The following AMOTL2 variants were observed in gnomAD, a reference collection of about 807,000 sequenced individuals.
AMOTL2 encodes angiomotin like 2.
In AMOTL2, 33 loss-of-function variants were observed where a neutral mutation model predicts 78.4. The observed-to-expected ratio is 0.42, with a 90% CI of 0.32 to 0.56. AMOTL2 has a LOEUF of 0.56. Ranked by LOEUF, AMOTL2 falls within the 20% of genes least tolerant of loss-of-function variation. The pLI is 0.12. For synonymous variants in AMOTL2, 422 were observed against 428.8 expected, an observed-to-expected ratio of 0.98 and a Z score of 0.20; for missense variants, 983 against 1,030.1, an observed-to-expected ratio of 0.95 and a Z score of 0.63.
At chr3:134,358,449 G>A in intron 9 of AMOTL2, 91 bp downstream of exon 9, 3 of 1,452,660 alleles carry the variant, frequency 2.1e-6, no homozygotes, top group South Asian at 1.4e-5. Context: ...GACCCGGAGG[G>A]GGTCTGGGAA....
chr3:134,360,507 G>A (rs1179785614), intron 6 of AMOTL2, 94 bp from the exon 7 acceptor site: 2 of 1,095,104 alleles, frequency 1.8e-6, no homozygotes, highest in Non-Finnish European at 2.6e-6. Flanking sequence ...ACTTGTACAT[G>A]TACGTGTTCA....
chr3:134,367,345 G>T, intron 3 of AMOTL2, 152 bp downstream of exon 3: 2 of 897,448 alleles, frequency 2.2e-6, no homozygotes, highest in Non-Finnish European at 3.4e-6. Flanking sequence ...GAGGGTGCAT[G>T]AGGAGTGAGG....
chr3:134,373,587 C>G (rs2017964098), intron 1 of AMOTL2: 2 of 985,358 alleles, frequency 2.0e-6, no homozygotes, highest in Non-Finnish European at 2.4e-6. Context: ...CAGCCTTGGC[C>G]TGGGCTCCTG....
chr3:134,370,587 T>G, intron 2 of AMOTL2, 113 bp downstream of exon 2: 1 of 1,308,962 alleles, frequency 7.6e-7, no homozygotes, highest in Non-Finnish European at 1.0e-6. Context: ...AGGTTGGAGG[T>G]GGGGTGGATC....
In AMOTL2 at chr3:134,355,987, C is replaced by T. The variant is rs982982218; in HGVS notation, c.*1718G>A. ...GCCATGTTTACATTTTAAATATTTA[C>T]GATAACTTAAACATACAGACACACA... is the stretch of plus-strand genomic sequence containing the variant. On this transcript the variant is annotated 3_prime_UTR_variant, in exon 10 of 10. Coordinates refer to ENST00000249883, the MANE Select transcript of AMOTL2 (RefSeq NM_016201.4). 2.0e-5 allele frequency: 3 copies of T among 152,556 alleles called. No homozygotes were observed. Among genetic ancestry groups the T allele is most frequent in the South Asian group, 2.1e-4 (1 of 4,836 alleles). 9.5% of individuals were successfully genotyped at this position (152,556 alleles called of 1,614,324 possible).
intron 5 of AMOTL2, among the ~76,000 whole-genome samples, chr3:134,362,983 A>C (rs1197083152): frequency 1.3e-5 from 2 of 152,270 alleles, no homozygotes; most frequent in Non-Finnish European, 2.9e-5. Context: ...CCTCCAATGC[A>C]GTGGCTACTA....
intron 1 of AMOTL2, 35 bp downstream of exon 1, chr3:134,374,307 G>A: frequency 1.0e-6 from 1 of 985,428 alleles, no homozygotes; most frequent in Non-Finnish European, 1.2e-6. Context: ...CTGTGGCCTC[G>A]CGCGCTCTCC....
rs367972576 is a variant in AMOTL2, at chr3:134,361,684, C to T, written c.1403G>A (p.Arg468Gln). 1.5e-4 allele frequency: 245 copies of T among 1,611,078 alleles called. No individual in the cohort carries two copies. The highest frequency in any genetic ancestry group is 1.3e-3 in the Middle Eastern group (8 of 6,058). The change falls in exon 6 of 10, where the codon CGG becomes CAG. Residue 468 changes from arginine (R) to glutamine (Q), a missense_variant. By Grantham distance (43) the Arg-to-Gln change is conservative. Transcript: ENST00000249883. Reference protein sequence around the residue: ...LEQALGNAQGRAARAEEELRK... With the variant: ...LEQALGNAQGQAARAEEELRK... ...CAGCTCCTCTTCGGCTCGAGCTGCCCGGCCCTGCGCATTGCCCAGAGCCTG... is the reference window on the plus strand; with the variant it reads ...CAGCTCCTCTTCGGCTCGAGCTGCCTGGCCCTGCGCATTGCCCAGAGCCTG...
At chr3:134,375,375 C>G (rs767718168), upstream of AMOTL2, 5 of 836,522 alleles carry the variant, frequency 6.0e-6, no homozygotes, top group Non-Finnish European at 7.8e-6. Context: ...GACACCAGGG[C>G]TCAGAGAGCT....
rs555059646 is a variant in AMOTL2, at chr3:134,371,438, C to T, written c.-5G>A. The T allele has an allele frequency of 1.0e-4, 165 of 1,600,830 alleles. 1 individual carries two copies. In the South Asian group the frequency reaches 1.7e-3, roughly 17 times the overall value. Reference sequence around the variant, plus strand: ...GGAGTCTTCCAGTGTCCTCATGCTTCTTTGGCTTGCACACAGCTGCCTGGA... The same window carrying T: ...GGAGTCTTCCAGTGTCCTCATGCTTTTTTGGCTTGCACACAGCTGCCTGGA... On this transcript the variant is annotated 5_prime_UTR_variant, in exon 2 of 10. Transcript: ENST00000249883.
At chr3:134,360,076 A>G (rs2107736735) in intron 7 of AMOTL2, 30 bp downstream of exon 7, 1 of 1,587,040 alleles carries the variant, frequency 6.3e-7, no homozygotes, top group East Asian at 2.3e-5. Context: ...CACCCCCCCA[A>G]CCTCAGGTGC....
At chr3:134,359,259 A>G (rs774217285) in intron 8 of AMOTL2, 24 bp downstream of exon 8, 2 of 1,611,134 alleles carry the variant, frequency 1.2e-6, no homozygotes, top group South Asian at 2.2e-5. Flanking sequence ...CTCTCAATCT[A>G]TCCCAGCAGT....
rs765496155 is a variant in AMOTL2, at chr3:134,361,692, C to A, written c.1395G>T (p.Ala465=). ...CTTCGGCTCGAGCTGCCCGGCCCTG[C>A]GCATTGCCCAGAGCCTGCTCCAGCA... The part of the protein sequence containing the change: ...AELLEQALGN[A]QGRAARAEEE... Residue 465 remains alanine, a synonymous_variant, in exon 6 of 10, where the codon GCG becomes GCT. Transcript: ENST00000249883. The A allele has an allele frequency of 1.2e-6, 2 of 1,611,100 alleles. No homozygotes were observed. Among genetic ancestry groups the A allele is most frequent in the Non-Finnish European group, 8.5e-7 (1 of 1,179,764 alleles).
In AMOTL2 at chr3:134,357,759, A is replaced by G. The variant is rs765644346; in HGVS notation, c.2289T>C (p.Ser763=). 1 of 1,614,120 alleles carries G rather than the reference A, an allele frequency of 6.2e-7. No homozygotes were observed. The highest frequency in any genetic ancestry group is 8.5e-7 in the Non-Finnish European group (1 of 1,179,952). ...SSSQRAASLD[S]VATSRVQDLS... is the part of the protein sequence containing the mutation. ...AGTCCTGGACTCTGGATGTAGCTAC[A>G]GAGTCTGGAGACAGACAAGAACACA... The change falls in exon 10 of 10, where the codon TCT becomes TCC. Residue 763 remains serine, a synonymous_variant. Transcript: ENST00000249883.
chr3:134,358,491 G>A, intron 9 of AMOTL2, 49 bp downstream of exon 9: 4 of 1,571,620 alleles, frequency 2.5e-6, no homozygotes, highest in Non-Finnish European at 3.5e-6. Context: ...TCACACCCCA[G>A]TGCCCCCTCG....
chr3:134,365,660 C>T lies in AMOTL2; in HGVS notation c.1279+157G>A, dbSNP rs1157706357. 4.6e-5 allele frequency among the ~76,000 whole-genome samples: 7 copies of T among 152,362 alleles called. No individual in the cohort carries two copies. In the East Asian group the frequency reaches 5.8e-4, roughly 13 times the overall value. On this transcript the variant is annotated intron_variant, in intron 5 of 9. Coordinates refer to ENST00000249883, the MANE Select transcript of AMOTL2 (RefSeq NM_016201.4). ...TTGGAAGCCACTTATCCCCACTATC[C>T]CCAGATCCAGTCTAGTGTTGGGCAT... is the stretch of plus-strand genomic sequence containing the variant.
Position 134,367,451 on chromosome 3 carries a change from G to A in AMOTL2, c.1041+46C>T, listed in dbSNP as rs748446276. The A allele has an allele frequency of 2.6e-5, 41 of 1,593,872 alleles. No homozygotes were observed. The East Asian group carries it at 4.9e-4, about 19-fold the overall frequency. On this transcript the variant is annotated intron_variant, in intron 3 of 9. Coordinates refer to ENST00000249883, the MANE Select transcript of AMOTL2 (RefSeq NM_016201.4). Reference sequence around the variant, plus strand: ...CTACCCACTCCCCAGGTAGCCCCTCGGGGTCTCTTTCTGGTCTGCCCTTCT... The same window carrying A: ...CTACCCACTCCCCAGGTAGCCCCTCAGGGTCTCTTTCTGGTCTGCCCTTCT...
chr3:134,375,026 C>G (rs2018037592), upstream of AMOTL2: 7 of 1,442,938 alleles, frequency 4.9e-6, no homozygotes, highest in South Asian at 8.7e-5. Flanking sequence ...GTGAATGCTT[C>G]CAGCCACAGA....
At position 134,366,290 on chromosome 3, in the gene AMOTL2, A is replaced by G; in HGVS notation, c.1179T>C (p.Asp393=). Residue 393 remains aspartate (D), a synonymous_variant, in exon 4 of 10, where the codon GAT becomes GAC. Transcript: ENST00000249883. ...TGTGTGACTGGCTCTCACCTCTAAG[A>G]TCCCGGTTGAAGTCTTGCAGCCTCC... ...EMRRLQDFNR[D]LRERLESANR... 1 of 1,614,028 alleles carries G rather than the reference A, an allele frequency of 6.2e-7. No individual in the cohort carries two copies. Among genetic ancestry groups the G allele is most frequent in the African/African-American group, 1.3e-5 (1 of 75,032 alleles).
Sources: allele counts gnomAD v4.1 joint callset (sites outside exome capture counted in the v4.1 genomes callset), GRCh38; gene constraint gnomAD v4.1.1; transcripts MANE v1.5; gene names NCBI Gene and HGNC (gene_info 2026-07-23, HGNC 2026-07-21).